The following NPAS3 variants were observed in gnomAD, a reference collection of about 807,000 sequenced individuals.
NPAS3 encodes the protein neuronal PAS domain protein 3.
Under a neutral mutation model 73.1 loss-of-function variants are expected in NPAS3, and 14 were observed. That is an observed-to-expected ratio of 0.19 (90% CI 0.13 to 0.30). The LOEUF is 0.30. Among genes scored for constraint, NPAS3 ranks in the 10% least tolerant of loss-of-function variants. NPAS3 has a pLI of 1.00. For synonymous variants in NPAS3, 620 were observed against 541.5 expected (o/e 1.14, Z -2.01); for missense variants, 1,096 against 1,250.0 (o/e 0.88, Z 1.86).
At chr14:33,189,423 G>T (rs1458800912) in intron 2 of NPAS3, among the ~76,000 whole-genome samples, 1 of 152,134 alleles carries the variant, frequency 6.6e-6, no homozygotes, top group African/African-American at 2.4e-5. Flanking sequence ...CACCTTGATT[G>T]GGCTGCTCAG....
At chr14:33,194,507 C>G (rs1446945742) in intron 2 of NPAS3, among the ~76,000 whole-genome samples, 1 of 152,144 alleles carries the variant, frequency 6.6e-6, no homozygotes, top group Non-Finnish European at 1.5e-5. Flanking sequence ...TAAAAATTCT[C>G]TACGTATTTC....
intron 1 of NPAS3, among the ~76,000 whole-genome samples, chr14:33,026,448 A>T (rs1041845928): frequency 2.0e-5 from 3 of 151,890 alleles, no homozygotes; most frequent in Non-Finnish European, 4.4e-5. Context: ...TATTCAGTTA[A>T]CTTCGGTTCA....
chr14:33,322,182 A>G (rs1393558997), intron 3 of NPAS3, among the ~76,000 whole-genome samples: 1 of 152,212 alleles, frequency 6.6e-6, no homozygotes, highest in Non-Finnish European at 1.5e-5. Flanking sequence ...AAGACTGATG[A>G]AAATTACTGG....
chr14:33,450,978 G>A (rs1011987480), intron 4 of NPAS3, among the ~76,000 whole-genome samples: 2 of 152,254 alleles, frequency 1.3e-5, no homozygotes, highest in East Asian at 3.9e-4. Context: ...TGAAATAATG[G>A]TATTAGATCG....
chr14:33,438,545 C>A (rs759621203), intron 4 of NPAS3, among the ~76,000 whole-genome samples: 11 of 152,168 alleles, frequency 7.2e-5, no homozygotes, highest in Non-Finnish European at 1.6e-4. Context: ...AGAAGAATTG[C>A]TCAAAAAGGA....
chr14:33,574,771 C>T (rs563732204), intron 5 of NPAS3, among the ~76,000 whole-genome samples: 1 of 152,218 alleles, frequency 6.6e-6, no homozygotes, highest in Non-Finnish European at 1.5e-5. Flanking sequence ...GTATGAAAGG[C>T]ATGAACCTGA....
chr14:33,573,999 A>G (rs757748072), intron 5 of NPAS3, among the ~76,000 whole-genome samples: 11 of 152,208 alleles, frequency 7.2e-5, no homozygotes, highest in Admixed American at 2.0e-4. Flanking sequence ...TTTAAAACTT[A>G]GTTTGGATTT....
At chr14:33,199,336 A>G (rs1050357573) in intron 2 of NPAS3, among the ~76,000 whole-genome samples, 2 of 152,218 alleles carry the variant, frequency 1.3e-5, no homozygotes, top group Non-Finnish European at 1.5e-5. Context: ...GATTACGCAT[A>G]GACACACAGA....
chr14:33,442,862 G>A (rs2049316857), intron 4 of NPAS3, among the ~76,000 whole-genome samples: 1 of 152,142 alleles, frequency 6.6e-6, no homozygotes, highest in Non-Finnish European at 1.5e-5. Flanking sequence ...GTTAAGACTT[G>A]ACATTTAGTT....
At chr14:33,159,834 T>C (rs1409339248) in intron 2 of NPAS3, among the ~76,000 whole-genome samples, 1 of 152,214 alleles carries the variant, frequency 6.6e-6, no homozygotes, top group Admixed American at 6.5e-5. Flanking sequence ...ATTATAGGCG[T>C]GAGCCACTGC....
At chr14:33,135,219 G>A (rs567295233) in intron 2 of NPAS3, among the ~76,000 whole-genome samples, 1 of 152,176 alleles carries the variant, frequency 6.6e-6, no homozygotes, top group Non-Finnish European at 1.5e-5. Flanking sequence ...AAGTTATAGG[G>A]ACAAGTAAAA....
chr14:33,599,901 A>G (rs977042248), intron 5 of NPAS3, among the ~76,000 whole-genome samples: 5 of 152,212 alleles, frequency 3.3e-5, no homozygotes, highest in African/African-American at 1.2e-4. Context: ...GTTATTAAAA[A>G]TCTAATTCAG....
At chr14:33,582,483 A>G (rs1187380053) in intron 5 of NPAS3, among the ~76,000 whole-genome samples, 1 of 152,204 alleles carries the variant, frequency 6.6e-6, no homozygotes, top group Non-Finnish European at 1.5e-5. Flanking sequence ...ATATTGTTAT[A>G]CCATGTTTAT....
chr14:33,661,062 T>A (rs979396152), intron 5 of NPAS3, among the ~76,000 whole-genome samples: 31 of 147,408 alleles, frequency 2.1e-4, no homozygotes, highest in East Asian at 6.0e-4. Context: ...TAATTTTTTT[T>A]AAAAAGAAGC....
chr14:33,332,804 C>G (rs1286952801), intron 3 of NPAS3, among the ~76,000 whole-genome samples: 3 of 152,174 alleles, frequency 2.0e-5, no homozygotes, highest in Admixed American at 6.5e-5. Context: ...ACGGGTTGGT[C>G]TAACTGGCTC....
At chr14:33,556,307 C>T (rs1427796523) in intron 4 of NPAS3, among the ~76,000 whole-genome samples, 1 of 152,136 alleles carries the variant, frequency 6.6e-6, no homozygotes, top group Non-Finnish European at 1.5e-5. Flanking sequence ...GCACTGGGTA[C>T]TTTGAAGGAC....
intron 1 of NPAS3, among the ~76,000 whole-genome samples, chr14:33,039,102 T>C (rs546455275): frequency 6.6e-6 from 1 of 152,298 alleles, no homozygotes; most frequent in South Asian, 2.1e-4. Context: ...TTTGAGAGGT[T>C]TATTTCTGTT....
At chr14:33,244,568 A>G (rs1594491125) in intron 3 of NPAS3, among the ~76,000 whole-genome samples, 3 of 152,142 alleles carry the variant, frequency 2.0e-5, no homozygotes, top group South Asian at 2.1e-4. Context: ...CTTTCTTTTA[A>G]TTTTGTCTCC....
At chr14:33,073,716 A>G (rs534444088) in intron 2 of NPAS3, among the ~76,000 whole-genome samples, 3 of 152,326 alleles carry the variant, frequency 2.0e-5, no homozygotes, top group Admixed American at 1.3e-4. Context: ...TTGAAGAAGA[A>G]AAGAGGAATT....
Sources: gnomAD v4.1 joint callset for allele counts (sites outside exome capture counted in the v4.1 genomes callset) on GRCh38, gnomAD v4.1.1 for gene constraint, MANE v1.5 for transcripts, NCBI Gene and HGNC (gene_info 2026-07-23, HGNC 2026-07-21) for gene names.